The following GPM6A variants were observed in gnomAD, a reference collection of about 807,000 sequenced individuals.
The protein encoded by GPM6A is glycoprotein M6A.
In GPM6A, 7 loss-of-function variants were observed where a neutral mutation model predicts 32.1. The ratio of observed to expected loss-of-function variants is 0.22; its 90% CI spans 0.12 to 0.41. The LOEUF (loss-of-function observed/expected upper bound fraction) is 0.41, where lower values mean the gene tolerates loss of function less well. Among genes scored for constraint, GPM6A ranks in the 10% least tolerant of loss-of-function variants. GPM6A has a pLI of 1.00. For missense variants in GPM6A, 235 were observed against 347.2 expected, an observed-to-expected ratio of 0.68 and a Z score of 2.57; for synonymous variants, 130 against 123.4, an observed-to-expected ratio of 1.05 and a Z score of -0.35.
At chr4:175,789,542 A>G (rs1358804376) in intron 1 of GPM6A, among the ~76,000 whole-genome samples, 1 of 152,168 alleles carries the variant, frequency 6.6e-6, no homozygotes, top group African/African-American at 2.4e-5. Flanking sequence ...TCCTAGGCTA[A>G]ATGTCTTCTG....
intron 3 of GPM6A, among the ~76,000 whole-genome samples, chr4:175,662,499 C>A (rs1742484620): frequency 6.6e-6 from 1 of 152,000 alleles, no homozygotes; most frequent in Admixed American, 6.6e-5. Flanking sequence ...ACTAGGGAGG[C>A]TGAGGCAGGA....
At chr4:175,936,306 C>CAAAAAAAAAAAAAAAAAAAA (rs35653197) in intron 1 of GPM6A, among the ~76,000 whole-genome samples, 1 of 45,576 alleles carries the variant, frequency 2.2e-5, no homozygotes, top group Non-Finnish European at 3.7e-5. Context: ...ACTCTGTCTC[C>CAAAAAAAAAAAAAAAAAAAA]AAAAAAAAAA....
At chr4:175,636,260 G>GTGTGTA (rs1203632844) in intron 6 of GPM6A, among the ~76,000 whole-genome samples, 1 of 101,340 alleles carries the variant, frequency 9.9e-6, no homozygotes, top group African/African-American at 4.0e-5. Flanking sequence ...CATAATCACT[G>GTGTGTA]TATATATATA....
At chr4:175,865,932 A>G (rs931819931) in intron 1 of GPM6A, among the ~76,000 whole-genome samples, 1 of 152,162 alleles carries the variant, frequency 6.6e-6, no homozygotes, top group African/African-American at 2.4e-5. Context: ...CACCACTGAA[A>G]CCATTTGAAC....
At chr4:175,673,591 A>T (rs1377933062) in intron 3 of GPM6A, 89 bp downstream of exon 3, 1 of 903,600 alleles carries the variant, frequency 1.1e-6, no homozygotes, top group Non-Finnish European at 1.6e-6. Flanking sequence ...TGAAAAAAAA[A>T]TACTTTAATT....
intron 4 of GPM6A, among the ~76,000 whole-genome samples, chr4:175,649,128 G>C (rs1457034560): frequency 6.6e-6 from 1 of 152,132 alleles, no homozygotes; most frequent in Non-Finnish European, 1.5e-5. Flanking sequence ...CGGCCTGCTG[G>C]GTAGCTATAT....
At chr4:175,943,311 T>C (rs913290026) in intron 1 of GPM6A, among the ~76,000 whole-genome samples, 3 of 152,216 alleles carry the variant, frequency 2.0e-5, no homozygotes, top group Admixed American at 6.5e-5. Context: ...AAATATGCAA[T>C]CATGTCATCT....
At chr4:175,658,726 C>A (rs1560856823) in intron 3 of GPM6A, among the ~76,000 whole-genome samples, 1 of 152,012 alleles carries the variant, frequency 6.6e-6, no homozygotes, top group Non-Finnish European at 1.5e-5. Context: ...TGCTGTGAAA[C>A]CTAAAACGGT....
chr4:175,762,781 A>G (rs554739414), intron 1 of GPM6A, among the ~76,000 whole-genome samples: 3 of 152,236 alleles, frequency 2.0e-5, no homozygotes, highest in East Asian at 1.9e-4. Flanking sequence ...TTTCCCCACA[A>G]CCCCCAGGGT....
At chr4:175,783,009 A>G (rs1453152484) in intron 1 of GPM6A, among the ~76,000 whole-genome samples, 1 of 152,024 alleles carries the variant, frequency 6.6e-6, no homozygotes, top group Admixed American at 6.6e-5. Flanking sequence ...CAAAACTCAT[A>G]AAGTAATGCT....
chr4:175,678,828 A>AT (rs1216705214), intron 2 of GPM6A, among the ~76,000 whole-genome samples: 1 of 152,194 alleles, frequency 6.6e-6, no homozygotes, highest in East Asian at 1.9e-4. Context: ...ACATATTTTA[A>AT]TTTTTTATTT....
chr4:175,969,133 T>C (rs1261939051), intron 1 of GPM6A, among the ~76,000 whole-genome samples: 1 of 152,196 alleles, frequency 6.6e-6, no homozygotes, highest in East Asian at 1.9e-4. Context: ...TAAATACATA[T>C]TATTAGGTAA....
intron 2 of GPM6A, among the ~76,000 whole-genome samples, chr4:175,680,766 T>C (rs1043776669): frequency 2.0e-5 from 3 of 152,230 alleles, no homozygotes; most frequent in African/African-American, 7.2e-5. Flanking sequence ...TGTGTTTTTA[T>C]GTAAAGGCAA....
At chr4:175,830,935 T>C (rs186639209) in intron 1 of GPM6A, among the ~76,000 whole-genome samples, 2 of 152,324 alleles carry the variant, frequency 1.3e-5, no homozygotes, top group Admixed American at 6.5e-5. Context: ...TTTGATTTAA[T>C]TGGACAATTT....
intron 1 of GPM6A, among the ~76,000 whole-genome samples, chr4:175,780,477 C>T (rs1181830180): frequency 1.3e-5 from 2 of 152,192 alleles, no homozygotes; most frequent in Admixed American, 6.5e-5. Flanking sequence ...ACAGAGTAGA[C>T]ACTCAATAAA....
chr4:175,734,891 C>A (rs1283768433), intron 1 of GPM6A, among the ~76,000 whole-genome samples: 3 of 152,030 alleles, frequency 2.0e-5, no homozygotes, highest in Non-Finnish European at 4.4e-5. Flanking sequence ...CTTTACCAAC[C>A]TTATTCCTTA....
intron 1 of GPM6A, among the ~76,000 whole-genome samples, chr4:175,887,527 A>G (rs1243911169): frequency 6.6e-6 from 1 of 151,940 alleles, no homozygotes; most frequent in East Asian, 1.9e-4. Flanking sequence ...AACACTGATC[A>G]CAAGAAGCAA....
chr4:175,848,226 A>T (rs1487721181), intron 1 of GPM6A, among the ~76,000 whole-genome samples: 1 of 152,196 alleles, frequency 6.6e-6, no homozygotes, highest in Non-Finnish European at 1.5e-5. Context: ...GTATAATTTT[A>T]AATGACAGCA....
chr4:175,813,987 G>C (rs942737832), upstream of GPM6A, among the ~76,000 whole-genome samples: 1 of 150,484 alleles, frequency 6.6e-6, no homozygotes, highest in East Asian at 1.9e-4. Flanking sequence ...GATTGAGAGA[G>C]AGAAACCATA....
Sources: allele counts gnomAD v4.1 joint callset (sites outside exome capture counted in the v4.1 genomes callset), GRCh38; gene constraint gnomAD v4.1.1; transcripts MANE v1.5; gene names NCBI Gene and HGNC (gene_info 2026-07-23, HGNC 2026-07-21).